The following PEX13 variants were observed in gnomAD, a reference collection of about 807,000 sequenced individuals.
PEX13 encodes peroxisomal biogenesis factor 13.
PEX13 carries 28 observed loss-of-function variants against 34.5 expected under a neutral mutation model. The ratio of observed to expected loss-of-function variants is 0.81; its 90% CI spans 0.60 to 1.11. PEX13 has a LOEUF of 1.11. Among genes scored for constraint, PEX13 ranks in the 50% most tolerant of loss-of-function variants. The probability of loss-of-function intolerance (pLI) is 0.00; values close to 1 mark genes in which losing one functional copy is unlikely to be tolerated. For missense variants in PEX13, 550 were observed against 491.0 expected, an observed-to-expected ratio of 1.12 and a Z score of -1.13; for synonymous variants, 177 against 175.1, an observed-to-expected ratio of 1.01 and a Z score of -0.09.
chr2:61,048,354 A>C, intron 3 of PEX13, 118 bp from the exon 4 acceptor site: 1 of 806,774 alleles, frequency 1.2e-6, no homozygotes, highest in South Asian at 1.4e-5. Flanking sequence ...TGCATGTACT[A>C]TTTGTTATCT....
intron 1 of PEX13, among the ~76,000 whole-genome samples, chr2:61,020,084 G>T (rs2104794717): frequency 6.6e-6 from 1 of 152,246 alleles, no homozygotes; most frequent in South Asian, 2.1e-4. Context: ...ACATTAGCTG[G>T]GTGCGGTGGC....
At chr2:61,026,594 C>T (rs1290011955) in intron 1 of PEX13, among the ~76,000 whole-genome samples, 1 of 151,644 alleles carries the variant, frequency 6.6e-6, no homozygotes, top group Non-Finnish European at 1.5e-5. Flanking sequence ...GATCCACCCA[C>T]CTCAGCCTCC....
At chr2:61,026,106 T>A (rs577662998) in intron 1 of PEX13, among the ~76,000 whole-genome samples, 5 of 152,044 alleles carry the variant, frequency 3.3e-5, no homozygotes, top group Non-Finnish European at 5.9e-5. Context: ...TCCTCCTTGA[T>A]TTTGTCTCCA....
At position 61,051,829 on chromosome 2, in the gene PEX13, TTCTG is replaced by T. The variant is rs1406768729; in HGVS notation, c.*3065_*3068del. The T allele has an allele frequency of 2.6e-5, 4 of 152,474 alleles. No individual in the cohort carries two copies. The highest frequency in any genetic ancestry group is 1.9e-4 in the East Asian group (1 of 5,330). The allele number at this position is 152,474 out of a possible 1,614,324, so 9.4% of individuals were successfully genotyped here. ...TTTAACATTTTATGTACGTACTTGA[TTCTG>T]TCTGTGTCATAATTACACATTTACT... On this transcript the variant is annotated 3_prime_UTR_variant, in exon 4 of 4. Coordinates refer to ENST00000295030, the MANE Select transcript of PEX13 (RefSeq NM_002618.4).
Position 61,049,329 on chromosome 2 carries a change from T to A in PEX13, c.*559T>A, listed in dbSNP as rs1392995526. On this transcript the variant is annotated 3_prime_UTR_variant, in exon 4 of 4. Coordinates refer to ENST00000295030, the MANE Select transcript of PEX13 (RefSeq NM_002618.4). ...CTATCTTTTACTGTATTTTTAAAAA[T>A]TTAATTTGAAAAGGTCACCCAGAAG... 1 of 153,284 alleles carries A rather than the reference T, an allele frequency of 6.5e-6. No individual in the cohort carries two copies. Among genetic ancestry groups the A allele is most frequent in the Non-Finnish European group, 1.5e-5 (1 of 68,762 alleles). The allele number at this position is 153,284 out of a possible 1,614,324, so 9.5% of individuals were successfully genotyped here. A position where few individuals can be genotyped will look rare whatever the true frequency, so the allele number is the denominator to read the frequency against.
Position 61,048,657 on chromosome 2 carries a change from G to A in PEX13, c.1099G>A (p.Ala367Thr). Residue 367 changes from alanine to threonine, a missense_variant, in exon 4 of 4, where the codon GCT becomes ACT. Coordinates refer to ENST00000295030, the MANE Select transcript of PEX13 (RefSeq NM_002618.4). The stretch of plus-strand genomic sequence containing the variant: ...AACACTAACTAAAGGAGCCACGGTT[G>A]CTGATTCTTTGGATGAACAGGAAGC... ...NPTLTKGATV[A>T]DSLDEQEAAF... 1 of 1,614,062 alleles carries A rather than the reference G, an allele frequency of 6.2e-7. No individual in the cohort carries two copies. The highest frequency in any genetic ancestry group is 8.5e-7 in the Non-Finnish European group (1 of 1,179,922).
In PEX13 at chr2:61,038,705, A is replaced by T. The variant is rs576481052; in HGVS notation, c.787+6592A>T. Among the ~76,000 whole-genome samples the T allele has an allele frequency of 3.1e-3, 468 of 152,352 alleles. 1 individual carries two copies. Among genetic ancestry groups the T allele is most frequent in the Non-Finnish European group, 5.2e-3 (351 of 68,026 alleles). ...CTTTGAAAACCAGCACAAGACAAGGATGCCCTCTGTCACCACTCCTATTCA... is the reference window on the plus strand; with the variant it reads ...CTTTGAAAACCAGCACAAGACAAGGTTGCCCTCTGTCACCACTCCTATTCA... On this transcript the variant is annotated intron_variant, in intron 2 of 3. Transcript: ENST00000295030.
intron 2 of PEX13, among the ~76,000 whole-genome samples, chr2:61,035,954 G>A (rs530942273): frequency 1.1e-4 from 16 of 147,966 alleles, no homozygotes; most frequent in Admixed American, 4.8e-4. Flanking sequence ...TTGCACTCCA[G>A]CCTGGGCAAC....
At chr2:61,019,387 CTTTATA>C (rs970680697) in intron 1 of PEX13, among the ~76,000 whole-genome samples, 21 of 152,022 alleles carry the variant, frequency 1.4e-4, no homozygotes, top group South Asian at 4.1e-4. Flanking sequence ...GGCTTCTCCT[CTTTATA>C]TTTATGTTCA....
rs1680780266 is a variant in PEX13 at position 61,050,586 on chromosome 2, T to G, written c.*1816T>G. 6.6e-6 allele frequency: 1 copy of G among 152,296 alleles called. No homozygotes were observed. The highest frequency in any genetic ancestry group is 6.5e-5 in the Admixed American group (1 of 15,270). 9.4% of individuals were successfully genotyped at this position (152,296 alleles called of 1,614,324 possible). A position where few individuals can be genotyped will look rare whatever the true frequency, so the allele number is the denominator to read the frequency against. On this transcript the variant is annotated 3_prime_UTR_variant, in exon 4 of 4. Coordinates refer to ENST00000295030, the MANE Select transcript of PEX13 (RefSeq NM_002618.4). ...CATTTATAGATATTGTTGAAAACTT[T>G]GAACTGTTTGATAAAAATTGTGATT...
At chr2:61,019,217 C>G (rs1680194442) in intron 1 of PEX13, 1 of 151,742 alleles carries the variant, frequency 6.6e-6, no homozygotes, top group Non-Finnish European at 1.5e-5. Flanking sequence ...TATTTTATAT[C>G]TAATTACATG....
intron 1 of PEX13, among the ~76,000 whole-genome samples, chr2:61,028,396 T>C (rs1680395072): frequency 6.7e-6 from 1 of 149,538 alleles, no homozygotes; most frequent in Non-Finnish European, 1.5e-5. Context: ...TCTTTTCTTT[T>C]TTTTTTTTTT....
chr2:61,032,063 G>T lies in PEX13; in HGVS notation c.737G>T (p.Gly246Val). Residue 246 changes from glycine to valine, a missense_variant, in exon 2 of 4, where the codon GGT (glycine) becomes GTT (valine). Physicochemically the swap from Gly to Val is moderately radical, Grantham distance 109. Coordinates refer to ENST00000295030, the MANE Select transcript of PEX13 (RefSeq NM_002618.4). Reference sequence around the variant, plus strand: ...TTGTTCTTTGCTGTTATCCTTGGTGGTCCTTACCTCATTTGGAAACTATTG... The same window carrying T: ...TTGTTCTTTGCTGTTATCCTTGGTGTTCCTTACCTCATTTGGAAACTATTG... ...IFLFFAVILG[G>V]PYLIWKLLST... The T allele has an allele frequency of 4.3e-6, 7 of 1,613,738 alleles. No homozygotes were observed. The highest frequency in any genetic ancestry group is 5.9e-6 in the Non-Finnish European group (7 of 1,179,878).
At chr2:61,018,075 G>C in intron 1 of PEX13, 1 of 1,503,538 alleles carries the variant, frequency 6.7e-7, no homozygotes, top group Non-Finnish European at 8.9e-7. Flanking sequence ...GTTTTTTTCG[G>C]GAGCTCCTGG....
Position 61,045,764 on chromosome 2 carries a change from G to A in PEX13, c.826G>A (p.Val276Ile). 3.1e-6 allele frequency: 5 copies of A among 1,613,194 alleles called. No homozygotes were observed. Among genetic ancestry groups the A allele is most frequent in the Non-Finnish European group, 4.2e-6 (5 of 1,179,172 alleles). ...NWASGEDDHV[V>I]ARAEYDFAAV... Reference sequence around the variant, plus strand: ...GGCAAGTGGTGAGGATGACCATGTAGTTGCCAGAGCAGAATATGATTTTGC... The same window carrying A: ...GGCAAGTGGTGAGGATGACCATGTAATTGCCAGAGCAGAATATGATTTTGC... The change falls in exon 3 of 4, where the codon GTT (valine) becomes ATT (isoleucine). Residue 276 changes from valine (V) to isoleucine (I), a missense_variant. Coordinates refer to ENST00000295030, the MANE Select transcript of PEX13 (RefSeq NM_002618.4).
chr2:61,018,151 C>A (rs187137423), intron 1 of PEX13: 22 of 1,550,614 alleles, frequency 1.4e-5, no homozygotes, highest in Middle Eastern at 1.7e-4. Flanking sequence ...CTTCTGTTTT[C>A]ACTTTGACAG....
rs139999174 is a variant in PEX13 at position 61,051,126 on chromosome 2, T to C, written c.*2356T>C. 660 of 152,302 alleles carry C rather than the reference T, an allele frequency of 4.3e-3. 3 individuals are homozygous for C. Among genetic ancestry groups the C allele is most frequent in the Middle Eastern group, 0.01 (3 of 294 alleles). The allele number at this position is 152,302 out of a possible 1,614,324, so 9.4% of individuals were successfully genotyped here. A position where few individuals can be genotyped will look rare whatever the true frequency, so the allele number is the denominator to read the frequency against. On this transcript the variant is annotated 3_prime_UTR_variant, in exon 4 of 4. Transcript: ENST00000295030. Reference sequence around the variant, plus strand: ...TTGACCCAGTGCAGAAAAATAAATATAGTAAAATTTATTTATCTTTGGCCA... The same window carrying C: ...TTGACCCAGTGCAGAAAAATAAATACAGTAAAATTTATTTATCTTTGGCCA...
At chr2:61,026,619 T>G (rs1680360205) in intron 1 of PEX13, among the ~76,000 whole-genome samples, 1 of 151,868 alleles carries the variant, frequency 6.6e-6, no homozygotes, top group Admixed American at 6.6e-5. Context: ...GTGCTGGGAT[T>G]GCAGACATGA....
At chr2:61,042,616 T>C (rs1680642797) in intron 2 of PEX13, among the ~76,000 whole-genome samples, 1 of 152,028 alleles carries the variant, frequency 6.6e-6, no homozygotes, top group Non-Finnish European at 1.5e-5. Context: ...GTCAAAAAAA[T>C]TAGAAAATTT....
Sources: allele counts gnomAD v4.1 joint callset (sites outside exome capture counted in the v4.1 genomes callset), GRCh38; gene constraint gnomAD v4.1.1; transcripts MANE v1.5; gene names NCBI Gene and HGNC (gene_info 2026-07-23, HGNC 2026-07-21).